The following TRMT61A variants were observed in gnomAD, a reference collection of about 807,000 sequenced individuals.
The protein encoded by TRMT61A is tRNA methyltransferase 61A, also known as tRNA (adenine(58)-N(1))-methyltransferase catalytic subunit TRMT61A.
A neutral mutation model predicts 21.3 loss-of-function variants in TRMT61A; 15 were observed. The observed-to-expected ratio is 0.70, with a 90% confidence interval of 0.47 to 1.08. The LOEUF (loss-of-function observed/expected upper bound fraction) is 1.08. Ranked by LOEUF, TRMT61A falls within the 50% of genes least tolerant of loss-of-function variation. The pLI is 0.00. For missense variants in TRMT61A, 352 were observed against 426.7 expected (o/e 0.83, Z 1.54); for synonymous variants, 183 against 185.5 (o/e 0.99, Z 0.11).
chr14:103,533,100 G>T (rs2075960454), intron 3 of TRMT61A, among the ~76,000 whole-genome samples: 1 of 152,238 alleles, frequency 6.6e-6, no homozygotes, highest in Admixed American at 6.5e-5. Flanking sequence ...GGAGGAAGGT[G>T]GCAGCGCCAC....
rs1388264197 is a variant in TRMT61A at position 103,531,470 on chromosome 14, T to C, written c.332-1112T>C. ...GAGCATGCTGCCGAGTCAGGCTCAG[T>C]GGGGGAGGCAGAGGGGCTGGGAGTG... On this transcript the variant is annotated intron_variant, in intron 2 of 3. Transcript: ENST00000389749. The surrounding 1 kb of genome is among the most constrained non-coding windows in gnomAD (Gnocchi z 5.1). 6.6e-6 allele frequency among the ~76,000 whole-genome samples: 1 copy of C among 151,664 alleles called. No individual in the cohort carries two copies. Among genetic ancestry groups the C allele is most frequent in the Non-Finnish European group, 1.5e-5 (1 of 67,914 alleles).
chr14:103,530,176 GTA>G lies in TRMT61A; in HGVS notation c.200_201del (p.Tyr67CysfsTer42), dbSNP rs775251271. ...TGACGTGCGGCCGAGGTGGCTGGGT[GTA>G]TGTGCTGCACCCCACGCCCGAGCTC... The part of the protein sequence containing the change: ...KVTCGRGGWV[Y>X]VLHPTPELWT... On this transcript the variant is annotated frameshift_variant, in exon 2 of 4. Transcript: ENST00000389749. LOFTEE classifies it high-confidence loss of function. The G allele has an allele frequency of 6.2e-7, 1 of 1,612,664 alleles. No individual in the cohort carries two copies. Among genetic ancestry groups the G allele is most frequent in the Non-Finnish European group, 8.5e-7 (1 of 1,179,988 alleles).
intron 3 of TRMT61A, 85 bp downstream of exon 3, chr14:103,532,933 T>C: frequency 6.9e-7 from 1 of 1,457,786 alleles, no homozygotes; most frequent in Non-Finnish European, 9.1e-7. Flanking sequence ...CTCAGAGGGG[T>C]CCAGAGACCA....
In TRMT61A at chr14:103,534,717, G is replaced by A; in HGVS notation, c.766G>A (p.Gly256Ser). The change falls in exon 4 of 4, where the codon GGC becomes AGC. Residue 256 changes from glycine (G) to serine (S), a missense_variant. Transcript: ENST00000389749. ...PPPDLGTGTD[G>S]PAGSDTSPFR... ...GCCCGACCTGGGCACAGGCACAGATGGCCCTGCCGGCTCCGACACCAGCCC... is the reference window on the plus strand; with the variant it reads ...GCCCGACCTGGGCACAGGCACAGATAGCCCTGCCGGCTCCGACACCAGCCC... The A allele has an allele frequency of 6.2e-7, 1 of 1,605,356 alleles. No homozygotes were observed. The highest frequency in any genetic ancestry group is 8.5e-7 in the Non-Finnish European group (1 of 1,178,790).
Position 103,532,618 on chromosome 14 carries a change from G to A in TRMT61A, c.368G>A (p.Arg123His), listed in dbSNP as rs368720777. Reference protein sequence around the residue: ...GSGSVSHAIIRTIAPTGHLHT... With the variant: ...GSGSVSHAIIHTIAPTGHLHT... ...GGCTCTGTGTCCCACGCCATCATCC[G>A]CACCATTGCACCCACGGGTCACCTG... Residue 123 changes from arginine to histidine, a missense_variant, in exon 3 of 4, where the codon CGC becomes CAC. Transcript: ENST00000389749. The A allele has an allele frequency of 1.9e-5, 31 of 1,613,286 alleles. No homozygotes were observed. Among genetic ancestry groups the A allele is most frequent in the South Asian group, 4.4e-5 (4 of 91,090 alleles).
chr14:103,532,876 A>C, intron 3 of TRMT61A, 28 bp downstream of exon 3: 13 of 1,264,588 alleles, frequency 1.0e-5, no homozygotes, highest in Non-Finnish European at 1.3e-5. Context: ...GGAGAGGTAC[A>C]GCCTGGGTGG....
At chr14:103,533,767 A>G (rs2075963066) in intron 3 of TRMT61A, among the ~76,000 whole-genome samples, 1 of 152,092 alleles carries the variant, frequency 6.6e-6, no homozygotes, top group African/African-American at 2.4e-5. Context: ...TGGGCCCGGC[A>G]TCTCCTGCCG....
chr14:103,535,256 C>A lies in TRMT61A; in HGVS notation c.*435C>A. Reference sequence around the variant, plus strand: ...CCTGGCTGCCCCACGGGGCCTGAGACCATCTCGTGCTTCTCCAGTCCCCGG... The same window carrying A: ...CCTGGCTGCCCCACGGGGCCTGAGAACATCTCGTGCTTCTCCAGTCCCCGG... On this transcript the variant is annotated 3_prime_UTR_variant, in exon 4 of 4. Coordinates refer to ENST00000389749, the MANE Select transcript of TRMT61A (RefSeq NM_152307.3). The A allele has an allele frequency of 2.2e-6, 1 of 454,356 alleles. No individual in the cohort carries two copies. 28.1% of individuals were successfully genotyped at this position (454,356 alleles called of 1,614,324 possible). A position where few individuals can be genotyped will look rare whatever the true frequency, so the allele number is the denominator to read the frequency against.
rs1299321554 is a variant in TRMT61A at position 103,534,588 on chromosome 14, G to C, written c.637G>C (p.Val213Leu). 1.3e-6 allele frequency: 2 copies of C among 1,595,278 alleles called. No homozygotes were observed. The highest frequency in any genetic ancestry group is 1.7e-6 in the Non-Finnish European group (2 of 1,168,252). Reference sequence around the variant, plus strand: ...CTCCTTCTCACCGTGCATCGAGCAGGTGCAACGCACATGCCAGGCGCTGGC... The same window carrying C: ...CTCCTTCTCACCGTGCATCGAGCAGCTGCAACGCACATGCCAGGCGCTGGC... ...FCSFSPCIEQ[V>L]QRTCQALAAR... Residue 213 changes from valine to leucine, a missense_variant, in exon 4 of 4, where the codon GTG (valine) becomes CTG (leucine). Physicochemically the swap from Val to Leu is conservative, Grantham distance 32. Coordinates refer to ENST00000389749, the MANE Select transcript of TRMT61A (RefSeq NM_152307.3).
At position 103,530,024 on chromosome 14, in the gene TRMT61A, G is replaced by T; in HGVS notation, c.46G>T (p.Ala16Ser). 6.2e-7 allele frequency: 1 copy of T among 1,612,602 alleles called. No homozygotes were observed. Among genetic ancestry groups the T allele is most frequent in the Non-Finnish European group, 8.5e-7 (1 of 1,179,722 alleles). ...GGAGCTGATCAAGGAGGGTGACACG[G>T]CCATCCTGTCACTGGGCCATGGTGC... ...YEELIKEGDTAILSLGHGAMV... is the reference protein window; with the variant it reads ...YEELIKEGDTSILSLGHGAMV... Residue 16 changes from alanine (A) to serine (S), a missense_variant, in exon 2 of 4, where the codon GCC becomes TCC. Ala to Ser is a moderately conservative substitution (Grantham distance 99). Transcript: ENST00000389749.
chr14:103,535,263 G>C lies in TRMT61A; in HGVS notation c.*442G>C, dbSNP rs1277585351. 2.2e-6 allele frequency: 1 copy of C among 453,860 alleles called. No individual in the cohort carries two copies. The highest frequency in any genetic ancestry group is 6.9e-5 in the East Asian group (1 of 14,570). The allele number at this position is 453,860 out of a possible 1,614,324, so 28.1% of individuals were successfully genotyped here. Reference sequence around the variant, plus strand: ...GCCCCACGGGGCCTGAGACCATCTCGTGCTTCTCCAGTCCCCGGGCCGAGG... The same window carrying C: ...GCCCCACGGGGCCTGAGACCATCTCCTGCTTCTCCAGTCCCCGGGCCGAGG... On this transcript the variant is annotated 3_prime_UTR_variant, in exon 4 of 4. Transcript: ENST00000389749.
chr14:103,535,190 C>A lies in TRMT61A; in HGVS notation c.*369C>A, dbSNP rs1282032764. 1.9e-6 allele frequency: 1 copy of A among 515,080 alleles called. No individual in the cohort carries two copies. The highest frequency in any genetic ancestry group is 3.8e-6 in the Non-Finnish European group (1 of 265,356). The allele number at this position is 515,080 out of a possible 1,614,324, so 31.9% of individuals were successfully genotyped here. A position where few individuals can be genotyped will look rare whatever the true frequency, so the allele number is the denominator to read the frequency against. ...GGTGGAGGAGGGAGGGGGGCATTGACCCTGAGACCACGCTGCGTCTGACCC... is the reference window on the plus strand; with the variant it reads ...GGTGGAGGAGGGAGGGGGGCATTGAACCTGAGACCACGCTGCGTCTGACCC... On this transcript the variant is annotated 3_prime_UTR_variant, in exon 4 of 4. Transcript: ENST00000389749.
In TRMT61A at chr14:103,535,059, T is replaced by C. The variant is rs1306116517; in HGVS notation, c.*238T>C. The C allele has an allele frequency of 2.8e-6, 2 of 705,250 alleles. No individual in the cohort carries two copies. The highest frequency in any genetic ancestry group is 5.4e-5 in the East Asian group (2 of 36,898). 43.7% of individuals were successfully genotyped at this position (705,250 alleles called of 1,614,324 possible). A position where few individuals can be genotyped will look rare whatever the true frequency, so the allele number is the denominator to read the frequency against. On this transcript the variant is annotated 3_prime_UTR_variant, in exon 4 of 4. Coordinates refer to ENST00000389749, the MANE Select transcript of TRMT61A (RefSeq NM_152307.3). ...TGTGGCCCATCCCAGCTGCTGTTTG[T>C]TGCCAATATGAAGTATCCACTGCCA... is the stretch of plus-strand genomic sequence containing the variant.
At chr14:103,532,887 G>C in intron 3 of TRMT61A, 39 bp downstream of exon 3, 1 of 1,512,186 alleles carries the variant, frequency 6.6e-7, no homozygotes, top group African/African-American at 1.4e-5. Flanking sequence ...GCCTGGGTGG[G>C]GGTGGGGCAA....
Position 103,534,591 on chromosome 14 carries a change from C to T in TRMT61A, c.640C>T (p.Gln214Ter), listed in dbSNP as rs1231875850. Residue 214 changes from glutamine (Q) to a stop codon, truncating the protein, a stop_gained, in exon 4 of 4, where the codon CAA becomes TAA. Coordinates refer to ENST00000389749, the MANE Select transcript of TRMT61A (RefSeq NM_152307.3). LOFTEE classifies it high-confidence loss of function. ...CTTCTCACCGTGCATCGAGCAGGTGCAACGCACATGCCAGGCGCTGGCAGC... is the reference window on the plus strand; with the variant it reads ...CTTCTCACCGTGCATCGAGCAGGTGTAACGCACATGCCAGGCGCTGGCAGC... The part of the protein sequence containing the change: ...CSFSPCIEQV[Q>*]RTCQALAARG... 6.3e-7 allele frequency: 1 copy of T among 1,596,410 alleles called. No individual in the cohort carries two copies. Among genetic ancestry groups the T allele is most frequent in the South Asian group, 1.1e-5 (1 of 89,804 alleles).
chr14:103,530,054 G>T lies in TRMT61A; in HGVS notation c.76G>T (p.Val26Leu). The stretch of plus-strand genomic sequence containing the variant: ...CCTGTCACTGGGCCATGGTGCAATG[G>T]TGGCGGTGCGTGTGCAGCGTGGGGC... ...AILSLGHGAM[V>L]AVRVQRGAQT... is the part of the protein sequence containing the mutation. The change falls in exon 2 of 4, where the codon GTG (valine) becomes TTG (leucine). Residue 26 changes from valine to leucine, a missense_variant. Coordinates refer to ENST00000389749, the MANE Select transcript of TRMT61A (RefSeq NM_152307.3). The T allele has an allele frequency of 6.2e-7, 1 of 1,613,090 alleles. No individual in the cohort carries two copies. Among genetic ancestry groups the T allele is most frequent in the Non-Finnish European group, 8.5e-7 (1 of 1,179,988 alleles).
At chr14:103,533,111 C>G (rs2075960515) in intron 3 of TRMT61A, among the ~76,000 whole-genome samples, 1 of 152,216 alleles carries the variant, frequency 6.6e-6, no homozygotes, top group Admixed American at 6.5e-5. Flanking sequence ...GCAGCGCCAC[C>G]CAAGTGCAGG....
In TRMT61A at chr14:103,530,059, G is replaced by A. The variant is rs2765037; in HGVS notation, c.81G>A (p.Ala27=). The A allele has an allele frequency of 1, 1,608,774 of 1,613,054 alleles. 802,341 individuals carry two copies. Among genetic ancestry groups the A allele is most frequent in the East Asian group, 1 (44,884 of 44,886 alleles). ...ILSLGHGAMV[A]VRVQRGAQTQ... is the part of the protein sequence containing the mutation. ...CACTGGGCCATGGTGCAATGGTGGC[G>A]GTGCGTGTGCAGCGTGGGGCACAGA... Residue 27 remains alanine (A), a synonymous_variant, in exon 2 of 4, where the codon GCG becomes GCA. Transcript: ENST00000389749.
Position 103,534,988 on chromosome 14 carries a change from G to A in TRMT61A, c.*167G>A. 1.2e-6 allele frequency: 1 copy of A among 852,774 alleles called. No homozygotes were observed. The highest frequency in any genetic ancestry group is 1.9e-6 in the Non-Finnish European group (1 of 523,122). 52.8% of individuals were successfully genotyped at this position (852,774 alleles called of 1,614,324 possible). A position where few individuals can be genotyped will look rare whatever the true frequency, so the allele number is the denominator to read the frequency against. The stretch of plus-strand genomic sequence containing the variant: ...GGACAGCAGGAAGGGCGGCTGTGAT[G>A]GAGGAGCAGTGCTGGGGCTGGGCCT... On this transcript the variant is annotated 3_prime_UTR_variant, in exon 4 of 4. Transcript: ENST00000389749.
Sources: allele counts gnomAD v4.1 joint callset (sites outside exome capture counted in the v4.1 genomes callset), GRCh38; gene constraint gnomAD v4.1.1; non-coding constraint Gnocchi (gnomAD v3.1); transcripts MANE v1.5; gene names NCBI Gene and HGNC (gene_info 2026-07-23, HGNC 2026-07-21).